TAS2R1: variants seen among roughly 807,000 people sequenced by gnomAD.
The protein encoded by TAS2R1 is taste receptor type 2 member 1.
For missense variants in TAS2R1, 370 were observed against 353.4 expected, an observed-to-expected ratio of 1.05 and a Z score of -0.38; for synonymous variants, 141 against 134.2, an observed-to-expected ratio of 1.05 and a Z score of -0.35.
the TAS2R1 span, among the ~76,000 whole-genome samples, chr5:9,875,467 A>T: frequency 9.2e-5 from 14 of 152,350 alleles, no homozygotes; most frequent in African/African-American, 3.1e-4. Context: ...AACCTGTGCC[A>T]TATGAAAGGA....
the TAS2R1 span, among the ~76,000 whole-genome samples, chr5:9,737,467 C>G: frequency 6.6e-6 from 1 of 152,200 alleles, no homozygotes; most frequent in African/African-American, 2.4e-5. Context: ...ATGCTGAGTG[C>G]TTTGACAGCA....
At chr5:9,808,124 T>A in the TAS2R1 span, among the ~76,000 whole-genome samples, 1 of 152,180 alleles carries the variant, frequency 6.6e-6, no homozygotes, top group Non-Finnish European at 1.5e-5. Flanking sequence ...GGGAGTCTGA[T>A]GAAGACTCAG....
At chr5:9,870,060 T>C in the TAS2R1 span, 4 of 152,264 alleles carry the variant, frequency 2.6e-5, no homozygotes, top group Non-Finnish European at 5.9e-5. Flanking sequence ...TCTGGAAACA[T>C]GACTAAGCCT....
chr5:9,820,978 GGAAGTCAGGAA>G, the TAS2R1 span, among the ~76,000 whole-genome samples: 1 of 152,164 alleles, frequency 6.6e-6, no homozygotes, highest in Non-Finnish European at 1.5e-5. Context: ...GAGCTTGGCA[GGAAGTCAGGAA>G]GAGGAGATGC....
the TAS2R1 span, among the ~76,000 whole-genome samples, chr5:9,846,799 T>C: frequency 1.3e-5 from 2 of 152,196 alleles, no homozygotes; most frequent in Admixed American, 6.5e-5. Context: ...TGCCCCTAAG[T>C]TGACCAATTG....
chr5:9,676,448 C>A (rs891914455), intron 1 of TAS2R1, among the ~76,000 whole-genome samples: 21 of 151,732 alleles, frequency 1.4e-4, no homozygotes, highest in African/African-American at 5.1e-4. Context: ...CAGAAATAGA[C>A]CTACACAAAA....
In TAS2R1 at chr5:9,629,008, T is replaced by A; in HGVS notation, c.*125A>T. On this transcript the variant is annotated 3_prime_UTR_variant, in exon 1 of 1. Transcript: ENST00000382492. ...ATCCACAGAAATACCTCAGGCTGGA[T>A]AAACAGGCCTGAAGGGGACATGTTG... 3 of 1,018,366 alleles carry A rather than the reference T, an allele frequency of 2.9e-6. No homozygotes were observed. The highest frequency in any genetic ancestry group is 4.1e-6 in the Non-Finnish European group (3 of 731,840). The allele number at this position is 1,018,366 out of a possible 1,614,324, so 63.1% of individuals were successfully genotyped here. A position where few individuals can be genotyped will look rare whatever the true frequency, so the allele number is the denominator to read the frequency against.
At chr5:9,711,044 T>C (rs2126532983) in intron 1 of TAS2R1, among the ~76,000 whole-genome samples, 1 of 151,012 alleles carries the variant, frequency 6.6e-6, no homozygotes, top group African/African-American at 2.4e-5. Context: ...GAAACCCTTG[T>C]GCATTGTTGA....
At chr5:9,890,368 CT>C in the TAS2R1 span, among the ~76,000 whole-genome samples, 3 of 152,154 alleles carry the variant, frequency 2.0e-5, no homozygotes, top group Admixed American at 2.0e-4. Flanking sequence ...GATATTCCCC[CT>C]AGAACCTACT....
intron 1 of TAS2R1, among the ~76,000 whole-genome samples, chr5:9,669,735 T>C (rs914746186): frequency 5.3e-5 from 8 of 151,984 alleles, no homozygotes; most frequent in Admixed American, 2.0e-4. Flanking sequence ...TACAGCACAC[T>C]AGAATCTCTG....
At chr5:9,869,505 CAT>C in the TAS2R1 span, among the ~76,000 whole-genome samples, 2 of 152,176 alleles carry the variant, frequency 1.3e-5, no homozygotes, top group African/African-American at 4.8e-5. Context: ...ATTCCCACGA[CAT>C]GTGGAGATTA....
At chr5:9,804,763 A>G in the TAS2R1 span, among the ~76,000 whole-genome samples, 13 of 152,296 alleles carry the variant, frequency 8.5e-5, no homozygotes, top group East Asian at 2.1e-3. Flanking sequence ...AGGAAAGTTC[A>G]TAGCATTAAA....
chr5:9,824,157 C>T, the TAS2R1 span, among the ~76,000 whole-genome samples: 17 of 152,342 alleles, frequency 1.1e-4, no homozygotes, highest in East Asian at 3.9e-4. Flanking sequence ...ACCAGCTTTC[C>T]GTCTTCTGCG....
the TAS2R1 span, among the ~76,000 whole-genome samples, chr5:9,846,807 T>G: frequency 6.6e-6 from 1 of 152,194 alleles, no homozygotes; most frequent in Non-Finnish European, 1.5e-5. Flanking sequence ...AGTTGACCAA[T>G]TGAAAACAAA....
chr5:9,688,856 G>C (rs1338979311), intron 1 of TAS2R1, among the ~76,000 whole-genome samples: 1 of 152,112 alleles, frequency 6.6e-6, no homozygotes, highest in Non-Finnish European at 1.5e-5. Context: ...GGCACACCAG[G>C]GCGGGAATGG....
At chr5:9,896,264 T>A in the TAS2R1 span, among the ~76,000 whole-genome samples, 1 of 152,220 alleles carries the variant, frequency 6.6e-6, no homozygotes, top group Non-Finnish European at 1.5e-5. Context: ...TCGTGTCTTT[T>A]GCTAATAGTA....
At chr5:9,855,051 C>T in the TAS2R1 span, among the ~76,000 whole-genome samples, 1 of 152,226 alleles carries the variant, frequency 6.6e-6, no homozygotes, top group Non-Finnish European at 1.5e-5. Context: ...AGCTAGCAAC[C>T]CTGCCCTAAT....
upstream of TAS2R1, among the ~76,000 whole-genome samples, chr5:9,633,136 C>T (rs1291692018): frequency 6.6e-6 from 1 of 151,338 alleles, no homozygotes; most frequent in Non-Finnish European, 1.5e-5. Flanking sequence ...TTGTACATTT[C>T]CATCAAAGCT....
At chr5:9,863,339 C>T in the TAS2R1 span, among the ~76,000 whole-genome samples, 2 of 148,560 alleles carry the variant, frequency 1.3e-5, no homozygotes, top group African/African-American at 2.5e-5. Flanking sequence ...GTGATGATCT[C>T]GGCTCACTGC....
Sources: allele counts gnomAD v4.1 joint callset (sites outside exome capture counted in the v4.1 genomes callset), GRCh38; gene constraint gnomAD v4.1.1; transcripts MANE v1.5; gene names NCBI Gene and HGNC (gene_info 2026-07-23, HGNC 2026-07-21).